The following CD81 variants were observed in gnomAD, a reference collection of about 807,000 sequenced individuals.
CD81 encodes CD81 molecule.
A neutral mutation model predicts 30.1 loss-of-function variants in CD81; 10 were observed. The observed-to-expected ratio is 0.33, with a 90% CI of 0.21 to 0.56. The LOEUF is 0.56. CD81 is among the 20% of genes least tolerant of loss of function. The pLI is 0.89. For synonymous variants in CD81, 147 were observed against 126.4 expected (o/e 1.16, Z -1.10); for missense variants, 263 against 308.7 (o/e 0.85, Z 1.11).
At chr11:2,390,184 G>A (rs1849872478) in intron 1 of CD81, 2 of 634,508 alleles carry the variant, frequency 3.2e-6, no homozygotes, top group Non-Finnish European at 5.8e-6. Context: ...CACTCCACAG[G>A]TGCAGGGCAG....
In CD81 at chr11:2,395,418, C is replaced by T. The variant is rs1244285507; in HGVS notation, c.357C>T (p.Ile119=). 18 of 1,611,714 alleles carry T rather than the reference C, an allele frequency of 1.1e-5. No homozygotes were observed. Among genetic ancestry groups the T allele is most frequent in the South Asian group, 2.2e-5 (2 of 91,082 alleles). ...ATGTGACCGCACCCCTCCCCCAGATCGCCAAGGATGTGAAGCAGTTCTATG... is the reference window on the plus strand; with the variant it reads ...ATGTGACCGCACCCCTCCCCCAGATTGCCAAGGATGTGAAGCAGTTCTATG... The part of the protein sequence containing the change: ...GIWGFVNKDQ[I]AKDVKQFYDQ... The change falls in exon 5 of 8, where the codon ATC becomes ATT. Residue 119 remains isoleucine, a splice_region_variant and synonymous_variant. Transcript: ENST00000263645.
chr11:2,390,029 A>G, intron 1 of CD81: 1 of 363,804 alleles, frequency 2.7e-6, no homozygotes, highest in Non-Finnish European at 5.4e-6. Context: ...ATTCACCTTG[A>G]ACTTCAGATA....
intron 1 of CD81, among the ~76,000 whole-genome samples, chr11:2,387,971 A>G (rs1173576952): frequency 6.6e-6 from 1 of 152,220 alleles, no homozygotes; most frequent in African/African-American, 2.4e-5. Context: ...GTGCTCTGGC[A>G]GTCCTGCTAC....
At chr11:2,376,192 C>T (rs1341073454), upstream of CD81, 2 of 151,830 alleles carry the variant, frequency 1.3e-5, no homozygotes, top group Non-Finnish European at 2.9e-5. Flanking sequence ...TTCCTTGTGG[C>T]CACATTTCCA....
At chr11:2,379,194 G>A (rs1322947943) in intron 1 of CD81, 12 of 455,478 alleles carry the variant, frequency 2.6e-5, no homozygotes, top group South Asian at 9.3e-5. Context: ...CTGAAGCCCC[G>A]TCCCCTGACG....
At chr11:2,384,527 C>CG (rs1243214214) in intron 1 of CD81, 3 of 82,110 alleles carry the variant, frequency 3.7e-5, no homozygotes, top group African/African-American at 1.6e-4. Flanking sequence ...TGGGGTGGGA[C>CG]GGCTTGTGGG....
chr11:2,384,306 C>CATCTCAGA (rs1849749606), intron 1 of CD81, among the ~76,000 whole-genome samples: 1 of 143,854 alleles, frequency 7.0e-6, no homozygotes, highest in African/African-American at 2.5e-5. Flanking sequence ...TGGGGCGGGG[C>CATCTCAGA]GCCTTGGGAG....
At chr11:2,381,290 G>A (rs978388868) in intron 1 of CD81, among the ~76,000 whole-genome samples, 2 of 152,220 alleles carry the variant, frequency 1.3e-5, no homozygotes, top group African/African-American at 2.4e-5. Context: ...CTACTTCCCC[G>A]GTCGCCCCTG....
intron 1 of CD81, among the ~76,000 whole-genome samples, chr11:2,381,972 T>G (rs1156908728): frequency 6.6e-6 from 1 of 152,168 alleles, no homozygotes; most frequent in African/African-American, 2.4e-5. Flanking sequence ...CACCATTCTT[T>G]GTGTTTCTGG....
chr11:2,386,433 G>A (rs74050504), intron 1 of CD81: 9,592 of 668,208 alleles, frequency 0.014, 587 homozygotes, highest in African/African-American at 0.14. Context: ...TTCCCACCAC[G>A]GGGCTTGGGG....
intron 5 of CD81, 78 bp downstream of exon 5, chr11:2,395,598 G>C: frequency 6.1e-6 from 7 of 1,151,228 alleles, no homozygotes; most frequent in Non-Finnish European, 9.1e-6. Flanking sequence ...GATGAATCCT[G>C]CCTACGCCCA....
At chr11:2,382,923 G>A (rs1453337396) in intron 1 of CD81, among the ~76,000 whole-genome samples, 1 of 152,166 alleles carries the variant, frequency 6.6e-6, no homozygotes. Context: ...GTAGGGCTAG[G>A]GACTTCCTGG....
At chr11:2,396,312 T>G (rs1232346877) in intron 6 of CD81, 1 of 569,316 alleles carries the variant, frequency 1.8e-6, no homozygotes, top group Non-Finnish European at 3.2e-6. Context: ...CCTGTGGAAG[T>G]TTCCTGCTGA....
rs1849992331 is a variant in CD81, at chr11:2,395,953, A to T, written c.544A>T (p.Ile182Phe). Residue 182 changes from isoleucine to phenylalanine, a missense_variant, in exon 6 of 8, where the codon ATC becomes TTC. This residue lies in a region of CD81 where 176 missense variants were observed against 192.9 expected (regional missense o/e 0.91). Coordinates refer to ENST00000263645, the MANE Select transcript of CD81 (RefSeq NM_004356.4). ...TTTGTGTCCCTCGGGCAGCAACATC[A>T]TCAGCAACCTCTTCAAGGTGCGCGA... ...NNLCPSGSNIISNLFKEDCHQ... is the reference protein window; with the variant it reads ...NNLCPSGSNIFSNLFKEDCHQ... The T allele has an allele frequency of 6.2e-7, 1 of 1,610,796 alleles. No homozygotes were observed. The highest frequency in any genetic ancestry group is 1.3e-5 in the African/African-American group (1 of 74,854).
At position 2,395,452 on chromosome 11, in the gene CD81, C is replaced by G. The variant is rs1254564145; in HGVS notation, c.391C>G (p.Leu131Val). 6.2e-7 allele frequency: 1 copy of G among 1,612,856 alleles called. No homozygotes were observed. Among genetic ancestry groups the G allele is most frequent in the East Asian group, 2.2e-5 (1 of 44,876 alleles). Residue 131 changes from leucine (L) to valine (V), a missense_variant, in exon 5 of 8, where the codon CTA (leucine) becomes GTA (valine). Physicochemically the swap from Leu to Val is conservative, Grantham distance 32. Transcript: ENST00000263645. The part of the protein sequence containing the change: ...KDVKQFYDQA[L>V]QQAVVDDDAN... ...TGTGAAGCAGTTCTATGACCAGGCC[C>G]TACAGCAGGCCGTGGTGGATGATGA...
At chr11:2,389,721 C>T (rs745649231) in intron 1 of CD81, among the ~76,000 whole-genome samples, 54 of 149,262 alleles carry the variant, frequency 3.6e-4, no homozygotes, top group Non-Finnish European at 6.9e-4. Context: ...CGTCCTTCCT[C>T]CCAAGTCCCT....
intron 1 of CD81, among the ~76,000 whole-genome samples, chr11:2,383,019 C>T (rs1357367576): frequency 6.6e-6 from 1 of 152,196 alleles, no homozygotes; most frequent in Admixed American, 6.5e-5. Flanking sequence ...CTGGGAGACA[C>T]CAGCATCCTC....
upstream of CD81, chr11:2,376,990 C>T (rs1849602889): frequency 1.3e-5 from 2 of 152,388 alleles, no homozygotes; most frequent in African/African-American, 4.8e-5. Flanking sequence ...ATGGGTTGTT[C>T]TCCCGGCACC....
intron 1 of CD81, among the ~76,000 whole-genome samples, chr11:2,386,946 C>T (rs537578648): frequency 2.6e-5 from 4 of 152,362 alleles, no homozygotes; most frequent in South Asian, 4.1e-4. Flanking sequence ...CCTCCCCATA[C>T]GGCCCTGGAG....
Sources: allele counts gnomAD v4.1 joint callset (sites outside exome capture counted in the v4.1 genomes callset), GRCh38; gene constraint gnomAD v4.1.1; regional missense constraint gnomAD v4.1.1; transcripts MANE v1.5; gene names NCBI Gene and HGNC (gene_info 2026-07-23, HGNC 2026-07-21).